Variants in XKR4 observed in about 807,000 individuals in gnomAD.
The protein encoded by XKR4 is XK related 4.
In XKR4, 12 loss-of-function variants were observed where a neutral mutation model predicts 53.9. That is an observed-to-expected ratio of 0.22 (90% CI 0.14 to 0.36). XKR4 has a LOEUF of 0.36. Among genes scored for constraint, XKR4 ranks in the 10% least tolerant of loss-of-function variants. The probability of loss-of-function intolerance (pLI) is 1.00; values close to 1 mark genes in which losing one functional copy is unlikely to be tolerated. For synonymous variants in XKR4, 354 were observed against 362.4 expected (o/e 0.98, Z 0.26); for missense variants, 799 against 859.5 (o/e 0.93, Z 0.88).
intron 1 of XKR4, among the ~76,000 whole-genome samples, chr8:55,209,486 A>T (rs990134457): frequency 6.6e-5 from 10 of 152,152 alleles, no homozygotes; most frequent in African/African-American, 2.4e-4. Context: ...ACCTGATTTT[A>T]TTAAGACACG....
At chr8:55,427,454 C>G (rs1478507148) in intron 2 of XKR4, among the ~76,000 whole-genome samples, 1 of 152,068 alleles carries the variant, frequency 6.6e-6, no homozygotes, top group Non-Finnish European at 1.5e-5. Flanking sequence ...CAAGCAATCC[C>G]CCTGCCTCGA....
At chr8:55,268,553 C>T (rs891352483) in intron 1 of XKR4, among the ~76,000 whole-genome samples, 1 of 152,116 alleles carries the variant, frequency 6.6e-6, no homozygotes, top group African/African-American at 2.4e-5. Context: ...TACTACATAT[C>T]TACCAAAAGC....
At chr8:55,288,903 A>G in intron 1 of XKR4, among the ~76,000 whole-genome samples, 1 of 152,244 alleles carries the variant, frequency 6.6e-6, no homozygotes, top group East Asian at 1.9e-4. Context: ...GGAATCATGT[A>G]GCACATAACC....
At chr8:55,518,648 G>A (rs529958869) in intron 2 of XKR4, among the ~76,000 whole-genome samples, 14 of 152,284 alleles carry the variant, frequency 9.2e-5, no homozygotes, top group African/African-American at 1.7e-4. Context: ...TCGTAGGCCC[G>A]TGGGGTTTCA....
intron 1 of XKR4, among the ~76,000 whole-genome samples, chr8:55,291,303 C>A (rs1045964748): frequency 3.8e-4 from 58 of 152,246 alleles, no homozygotes; most frequent in African/African-American, 1.3e-3. Context: ...TGGACTGATT[C>A]TTCTCATGTT....
At chr8:55,343,811 G>A (rs1803593930) in intron 1 of XKR4, among the ~76,000 whole-genome samples, 1 of 152,160 alleles carries the variant, frequency 6.6e-6, no homozygotes, top group Non-Finnish European at 1.5e-5. Flanking sequence ...GAGAGACACA[G>A]CTTGAATTTC....
intron 1 of XKR4, among the ~76,000 whole-genome samples, chr8:55,348,727 G>A (rs1309828272): frequency 6.8e-6 from 1 of 146,080 alleles, no homozygotes; most frequent in Non-Finnish European, 1.5e-5. Flanking sequence ...CACACAGAGA[G>A]AGAGATGATA....
intron 1 of XKR4, among the ~76,000 whole-genome samples, chr8:55,191,021 C>T (rs1817438362): frequency 6.6e-6 from 1 of 152,166 alleles, no homozygotes; most frequent in African/African-American, 2.4e-5. Flanking sequence ...CCAGTTGGAT[C>T]CACAGGGCTT....
chr8:55,103,766 G>A (rs1387224183), intron 1 of XKR4, among the ~76,000 whole-genome samples: 1 of 150,074 alleles, frequency 6.7e-6, no homozygotes, highest in African/African-American at 2.5e-5. Flanking sequence ...GGGAGTTGCT[G>A]CTGCTCAAAA....
At chr8:55,470,999 G>A (rs981714097) in intron 2 of XKR4, among the ~76,000 whole-genome samples, 1 of 152,142 alleles carries the variant, frequency 6.6e-6, no homozygotes, top group East Asian at 1.9e-4. Context: ...AAGAAGAAAT[G>A]TGAATAGACT....
At chr8:55,402,475 T>C (rs533265946) in intron 2 of XKR4, among the ~76,000 whole-genome samples, 1 of 152,358 alleles carries the variant, frequency 6.6e-6, no homozygotes, top group East Asian at 1.9e-4. Context: ...GTCACTCCTA[T>C]GGTGTTCACA....
Position 55,339,583 on chromosome 8 carries a change from C to T in XKR4, c.807-18095C>T, listed in dbSNP as rs12542091. ...TCATAGCCAAGTGGGAAGTTTGAAT[C>T]TGGGTGACATGGCACCTTCTTTTTC... On this transcript the variant is annotated intron_variant, in intron 1 of 2. Transcript: ENST00000327381. Among the ~76,000 whole-genome samples, 284 of 152,294 alleles carry T rather than the reference C, an allele frequency of 1.9e-3. 5 individuals carry two copies. The highest frequency in any genetic ancestry group is 0.017 in the Admixed American group (262 of 15,296).
At chr8:55,298,916 G>T (rs909191147) in intron 1 of XKR4, among the ~76,000 whole-genome samples, 2 of 152,162 alleles carry the variant, frequency 1.3e-5, no homozygotes, top group African/African-American at 4.8e-5. Context: ...AAGGAACAAG[G>T]TTATTCTCTA....
At chr8:55,298,870 G>T (rs1243086173) in intron 1 of XKR4, among the ~76,000 whole-genome samples, 2 of 152,160 alleles carry the variant, frequency 1.3e-5, no homozygotes, top group Admixed American at 1.3e-4. Context: ...AATACACCAT[G>T]CCCATTTACC....
intron 1 of XKR4, among the ~76,000 whole-genome samples, chr8:55,208,271 C>T (rs12679197): frequency 0.92 from 139,563 of 152,166 alleles, 64,177 homozygotes; most frequent in Non-Finnish European, 0.95. Context: ...AAACTCAAGT[C>T]CATAAAACCC....
intron 1 of XKR4, among the ~76,000 whole-genome samples, chr8:55,334,192 G>A (rs1308434144): frequency 6.6e-6 from 1 of 152,138 alleles, no homozygotes; most frequent in Non-Finnish European, 1.5e-5. Flanking sequence ...ACCTAGAATG[G>A]TGAAGCTCAA....
intron 1 of XKR4, among the ~76,000 whole-genome samples, chr8:55,328,936 T>G (rs1050241021): frequency 1.3e-5 from 2 of 152,180 alleles, no homozygotes; most frequent in African/African-American, 4.8e-5. Flanking sequence ...CTTGTTGGTG[T>G]GTTTGCTCAT....
chr8:55,114,678 G>T (rs998021268), intron 1 of XKR4, among the ~76,000 whole-genome samples: 1 of 152,142 alleles, frequency 6.6e-6, no homozygotes, highest in Non-Finnish European at 1.5e-5. Context: ...ATTCACAATA[G>T]ATCTACTTCT....
chr8:55,326,109 G>T (rs529752938), intron 1 of XKR4, among the ~76,000 whole-genome samples: 3 of 152,128 alleles, frequency 2.0e-5, no homozygotes. Context: ...TCTGAATTGC[G>T]AATGACCTGA....
Sources: allele counts gnomAD v4.1 joint callset (sites outside exome capture counted in the v4.1 genomes callset), GRCh38; gene constraint gnomAD v4.1.1; transcripts MANE v1.5; gene names NCBI Gene and HGNC (gene_info 2026-07-23, HGNC 2026-07-21).